JPH2: variants seen among roughly 807,000 people sequenced by gnomAD.
JPH2 encodes the protein junctophilin-2.
JPH2 carries 38 observed loss-of-function variants against 55.9 expected under a neutral mutation model. The ratio of observed to expected loss-of-function variants is 0.68; its 90% CI spans 0.52 to 0.89. The LOEUF (loss-of-function observed/expected upper bound fraction) is 0.89, where lower values mean the gene tolerates loss of function less well. Among genes scored for constraint, JPH2 ranks in the 40% least tolerant of loss-of-function variants. The pLI is 0.00. For synonymous variants in JPH2, 480 were observed against 472.4 expected (o/e 1.02, Z -0.21); for missense variants, 964 against 1,037.6 (o/e 0.93, Z 0.97).
At position 44,111,361 on chromosome 20, in the gene JPH2, C is replaced by T. The variant is rs1389298309; in HGVS notation, c.*2157G>A. Reference sequence around the variant, plus strand: ...CAGGAGGTAGGCTCTGTAATTATCCCCATTTTATAGATGAGAAAACTGAGG... The same window carrying T: ...CAGGAGGTAGGCTCTGTAATTATCCTCATTTTATAGATGAGAAAACTGAGG... On this transcript the variant is annotated 3_prime_UTR_variant, in exon 6 of 6. Coordinates refer to ENST00000372980, the MANE Select transcript of JPH2 (RefSeq NM_020433.5). 6.6e-6 allele frequency among the ~76,000 whole-genome samples: 1 copy of T among 152,146 alleles called. No individual in the cohort carries two copies. The highest frequency in any genetic ancestry group is 1.5e-5 in the Non-Finnish European group (1 of 68,034).
At chr20:44,148,930 G>A (rs2072511354) in intron 2 of JPH2, among the ~76,000 whole-genome samples, 1 of 152,048 alleles carries the variant, frequency 6.6e-6, no homozygotes, top group African/African-American at 2.4e-5. Context: ...AGCTGGGTGT[G>A]GTGGTGAGCG....
At chr20:44,132,728 C>T (rs1439892451) in intron 2 of JPH2, among the ~76,000 whole-genome samples, 2 of 65,700 alleles carry the variant, frequency 3.0e-5, no homozygotes, top group African/African-American at 1.3e-4. Flanking sequence ...CCACCCCCAC[C>T]GTCCCCCTCC....
At chr20:44,157,873 G>A (rs926463394) in intron 2 of JPH2, among the ~76,000 whole-genome samples, 6 of 151,026 alleles carry the variant, frequency 4.0e-5, no homozygotes, top group African/African-American at 1.5e-4. Flanking sequence ...CAGGACAGGC[G>A]ATTGCCTTTT....
intron 1 of JPH2, among the ~76,000 whole-genome samples, chr20:44,164,149 A>G (rs919207057): frequency 6.6e-6 from 1 of 152,216 alleles, no homozygotes; most frequent in Non-Finnish European, 1.5e-5. Context: ...GAAGTGGAAA[A>G]TGGGATTGTA....
At chr20:44,131,623 C>T (rs962124301) in intron 2 of JPH2, among the ~76,000 whole-genome samples, 6 of 152,158 alleles carry the variant, frequency 3.9e-5, no homozygotes, top group Non-Finnish European at 7.3e-5. Context: ...TAAGCACTAT[C>T]GAAGGGTTAG....
At chr20:44,179,354 A>G (rs2072761810) in intron 1 of JPH2, among the ~76,000 whole-genome samples, 1 of 152,216 alleles carries the variant, frequency 6.6e-6, no homozygotes, top group African/African-American at 2.4e-5. Flanking sequence ...ATTCACTGCC[A>G]GGGAAGGAAT....
chr20:44,168,402 A>G (rs1253250956), intron 1 of JPH2, among the ~76,000 whole-genome samples: 1 of 152,260 alleles, frequency 6.6e-6, no homozygotes, highest in East Asian at 1.9e-4. Flanking sequence ...AATAAAATGT[A>G]TTATTAAAAT....
chr20:44,174,502 A>G (rs149317968), intron 1 of JPH2, among the ~76,000 whole-genome samples: 1 of 152,292 alleles, frequency 6.6e-6, no homozygotes, highest in African/African-American at 2.4e-5. Context: ...GGCCAGGTGC[A>G]GTGGCTCACG....
intron 2 of JPH2, among the ~76,000 whole-genome samples, chr20:44,120,869 C>T (rs1388875101): frequency 6.6e-6 from 1 of 152,210 alleles, no homozygotes; most frequent in Non-Finnish European, 1.5e-5. Context: ...TTGCTCTATA[C>T]CAGTAGCTGA....
At chr20:44,142,710 G>T (rs1357493015) in intron 2 of JPH2, among the ~76,000 whole-genome samples, 1 of 152,236 alleles carries the variant, frequency 6.6e-6, no homozygotes, top group African/African-American at 2.4e-5. Context: ...CCAGCGGGAG[G>T]GCAAACATCA....
At chr20:44,156,503 G>A (rs556223788) in intron 2 of JPH2, among the ~76,000 whole-genome samples, 2 of 152,072 alleles carry the variant, frequency 1.3e-5, no homozygotes, top group Non-Finnish European at 2.9e-5. Context: ...ACCTGGGACC[G>A]GGTCATTTGT....
At position 44,160,774 on chromosome 20, in the gene JPH2, G is replaced by A. The variant is rs1286290244; in HGVS notation, c.380-367C>T. ...CAAGACACTTGTGGGCGTGCATATC[G>A]GTGTCTTTTGACTATATGAGATCAT... On this transcript the variant is annotated intron_variant, in intron 1 of 5. Coordinates refer to ENST00000372980, the MANE Select transcript of JPH2 (RefSeq NM_020433.5). This position sits in a 1 kb window ranked among gnomAD's most constrained non-coding sequence, Gnocchi z 4.9. Among the ~76,000 whole-genome samples, 8 of 152,286 alleles carry A rather than the reference G, an allele frequency of 5.3e-5. No homozygotes were observed. Among genetic ancestry groups the A allele is most frequent in the East Asian group, 1.9e-4 (1 of 5,174 alleles).
chr20:44,152,480 T>C lies in JPH2; in HGVS notation c.1169+7138A>G, dbSNP rs73106227. ...AGCTTGAGCCAAGGAGTTCGAGACCTACCTGGGCAATATAGCAAGACCCTG... is the reference window on the plus strand; with the variant it reads ...AGCTTGAGCCAAGGAGTTCGAGACCCACCTGGGCAATATAGCAAGACCCTG... On this transcript the variant is annotated intron_variant, in intron 2 of 5. Transcript: ENST00000372980. Among the ~76,000 whole-genome samples, 1,218 of 152,150 alleles carry C rather than the reference T, an allele frequency of 8.0e-3. 9 individuals carry two copies. The highest frequency in any genetic ancestry group is 0.011 in the Non-Finnish European group (752 of 68,002).
chr20:44,129,060 G>T (rs2072296579), intron 2 of JPH2, among the ~76,000 whole-genome samples: 1 of 152,192 alleles, frequency 6.6e-6, no homozygotes, highest in South Asian at 2.1e-4. Context: ...ATGCAGATTT[G>T]TTCTAGTTGA....
rs1044761047 is a variant in JPH2, at chr20:44,108,376, T to C, written c.*5142A>G. 3.3e-5 allele frequency among the ~76,000 whole-genome samples: 5 copies of C among 152,088 alleles called. No homozygotes were observed. Among genetic ancestry groups the C allele is most frequent in the Non-Finnish European group, 7.4e-5 (5 of 68,024 alleles). ...TTCTGTGAGTCTTTCTAGTGAATTA[T>C]TGAGTATGAGGATAATCATAGGAAC... On this transcript the variant is annotated 3_prime_UTR_variant, in exon 6 of 6. Transcript: ENST00000372980.
At chr20:44,171,681 C>T (rs958119142) in intron 1 of JPH2, among the ~76,000 whole-genome samples, 4 of 152,204 alleles carry the variant, frequency 2.6e-5, no homozygotes, top group African/African-American at 4.8e-5. Flanking sequence ...GCGGCCTCCC[C>T]TGTCACCCAG....
chr20:44,123,321 C>A (rs906381947), intron 2 of JPH2, among the ~76,000 whole-genome samples: 1 of 152,134 alleles, frequency 6.6e-6, no homozygotes, highest in Non-Finnish European at 1.5e-5. Flanking sequence ...CTGGTCTCTC[C>A]GGCTCCCTTT....
chr20:44,139,008 T>C (rs2072437015), intron 2 of JPH2, among the ~76,000 whole-genome samples: 2 of 152,092 alleles, frequency 1.3e-5, no homozygotes, highest in Admixed American at 1.3e-4. Context: ...TCCTGTTTGC[T>C]CTTCCATGCT....
At chr20:44,138,806 T>C (rs1451113654) in intron 2 of JPH2, among the ~76,000 whole-genome samples, 2 of 152,236 alleles carry the variant, frequency 1.3e-5, no homozygotes, top group African/African-American at 2.4e-5. Context: ...TTTGTATTTA[T>C]GGTAATGATC....
Sources: gnomAD v4.1 joint callset for allele counts (sites outside exome capture counted in the v4.1 genomes callset) on GRCh38, gnomAD v4.1.1 for gene constraint, Gnocchi (gnomAD v3.1) non-coding constraint, MANE v1.5 for transcripts, NCBI Gene and HGNC (gene_info 2026-07-23, HGNC 2026-07-21) for gene names.